Variants in CASR observed in about 807,000 individuals in gnomAD.
CASR encodes extracellular calcium-sensing receptor.
In CASR, 23 loss-of-function variants were observed where a neutral mutation model predicts 69.1. The ratio of observed to expected loss-of-function variants is 0.33; its 90% CI spans 0.24 to 0.47. The LOEUF is 0.47. Among genes scored for constraint, CASR ranks in the 20% least tolerant of loss-of-function variants. CASR has a pLI of 1.00. For synonymous variants in CASR, 541 were observed against 544.7 expected (o/e 0.99, Z 0.10); for missense variants, 924 against 1,356.1 (o/e 0.68, Z 5.00).
intron 1 of CASR, among the ~76,000 whole-genome samples, chr3:122,186,117 T>C (rs2073780928): frequency 6.6e-6 from 1 of 152,200 alleles, no homozygotes; most frequent in East Asian, 1.9e-4. Flanking sequence ...TTAAATTAGT[T>C]AAAAATTTTC....
intron 4 of CASR, among the ~76,000 whole-genome samples, chr3:122,262,914 A>G (rs1451762999): frequency 6.6e-6 from 1 of 152,244 alleles, no homozygotes. Context: ...ACAAAAGCAA[A>G]TCAAAGACAC....
Position 122,285,928 on chromosome 3 carries a change from A to G in CASR, c.*737A>G, listed in dbSNP as rs1363546582. On this transcript the variant is annotated 3_prime_UTR_variant, in exon 7 of 7. Coordinates refer to ENST00000639785, the MANE Select transcript of CASR (RefSeq NM_000388.4). The stretch of plus-strand genomic sequence containing the variant: ...GAAAATGCTTCTGTTGTAATAGTCC[A>G]TGGACAATATAAACTGAAAAATGTC... The G allele has an allele frequency of 1.3e-5, 2 of 153,328 alleles. No homozygotes were observed. Among genetic ancestry groups the G allele is most frequent in the Non-Finnish European group, 2.9e-5 (2 of 68,614 alleles). The allele number at this position is 153,328 out of a possible 1,614,324, so 9.5% of individuals were successfully genotyped here. A position where few individuals can be genotyped will look rare whatever the true frequency, so the allele number is the denominator to read the frequency against.
At chr3:122,220,030 A>G (rs2074155414) in intron 1 of CASR, among the ~76,000 whole-genome samples, 1 of 152,232 alleles carries the variant, frequency 6.6e-6, no homozygotes, top group Non-Finnish European at 1.5e-5. Context: ...ATGCACATAT[A>G]TGTAAGCACA....
chr3:122,221,263 A>G (rs948505641), intron 1 of CASR, among the ~76,000 whole-genome samples: 1 of 152,172 alleles, frequency 6.6e-6, no homozygotes, highest in Admixed American at 6.5e-5. Context: ...CTTTAAGATT[A>G]CCATTCATTT....
chr3:122,272,692 G>A (rs951742372), intron 4 of CASR, among the ~76,000 whole-genome samples: 12 of 152,182 alleles, frequency 7.9e-5, no homozygotes, highest in Admixed American at 5.9e-4. Context: ...AACTCCATGA[G>A]GATGGGATGA....
chr3:122,199,751 T>A (rs1338769927), intron 1 of CASR, among the ~76,000 whole-genome samples: 1 of 152,144 alleles, frequency 6.6e-6, no homozygotes, highest in Admixed American at 6.6e-5. Context: ...TGGGAGGTGA[T>A]AACCAGAAGT....
At position 122,199,007 on chromosome 3, in the gene CASR, CCT is replaced by C. The variant is rs1469579068; in HGVS notation, c.-243+15198_-243+15199del. ...ATTCCCAAATTTGAATTTCAAATTC[CCT>C]CTTTTTATAGATTTATGATATTTAC... On this transcript the variant is annotated intron_variant, in intron 1 of 6. Coordinates refer to ENST00000639785, the MANE Select transcript of CASR (RefSeq NM_000388.4). Among the ~76,000 whole-genome samples, 5 of 152,218 alleles carry C rather than the reference CCT, an allele frequency of 3.3e-5. No individual in the cohort carries two copies. In the East Asian group the frequency reaches 9.6e-4, roughly 29 times the overall value.
At chr3:122,187,423 A>G (rs1473764176) in intron 1 of CASR, among the ~76,000 whole-genome samples, 2 of 152,242 alleles carry the variant, frequency 1.3e-5, no homozygotes, top group Non-Finnish European at 2.9e-5. Flanking sequence ...TAAACCTTGT[A>G]TGTGCTCAGA....
At chr3:122,199,825 T>C (rs1277321239) in intron 1 of CASR, among the ~76,000 whole-genome samples, 1 of 115,772 alleles carries the variant, frequency 8.6e-6, no homozygotes, top group Non-Finnish European at 1.8e-5. Flanking sequence ...TACAGGACTA[T>C]ACCGTGACTA....
At chr3:122,258,843 G>A (rs2074586199) in intron 3 of CASR, among the ~76,000 whole-genome samples, 1 of 151,922 alleles carries the variant, frequency 6.6e-6, no homozygotes, top group Non-Finnish European at 1.5e-5. Flanking sequence ...AAAGATCAAG[G>A]TTTAATTGAG....
intron 4 of CASR, among the ~76,000 whole-genome samples, chr3:122,272,523 A>G (rs1320705338): frequency 6.6e-6 from 1 of 152,216 alleles, no homozygotes; most frequent in African/African-American, 2.4e-5. Flanking sequence ...TGAAACCTGC[A>G]TTGATCATTT....
Position 122,290,731 on chromosome 3 carries a change from C to CT in CASR, c.*5550dup, listed in dbSNP as rs560521489. On this transcript the variant is annotated 3_prime_UTR_variant, in exon 7 of 7. Coordinates refer to ENST00000639785, the MANE Select transcript of CASR (RefSeq NM_000388.4). ...CCCCTCCTCCAAATTTTTCTTTATT[C>CT]TTTTTTTTTTATTATACTTTAAGTT... is the stretch of plus-strand genomic sequence containing the variant. 26 of 148,980 alleles carry CT rather than the reference C, an allele frequency of 1.7e-4. No individual in the cohort carries two copies. Among genetic ancestry groups the CT allele is most frequent in the Non-Finnish European group, 2.2e-4 (15 of 67,026 alleles). 9.2% of individuals were successfully genotyped at this position (148,980 alleles called of 1,614,324 possible).
intron 1 of CASR, among the ~76,000 whole-genome samples, chr3:122,227,539 G>A (rs1035585745): frequency 5.3e-5 from 8 of 152,174 alleles, no homozygotes; most frequent in Non-Finnish European, 8.8e-5. Context: ...TGCAGCCCTG[G>A]TTCCCACCCA....
chr3:122,213,687 A>G (rs9814524), intron 1 of CASR, among the ~76,000 whole-genome samples: 110,208 of 152,064 alleles, frequency 0.72, 40,187 homozygotes, highest in Admixed American at 0.82. Flanking sequence ...TATTGCCTAT[A>G]TATAATCCAG....
At chr3:122,223,413 A>G (rs1350280126) in intron 1 of CASR, among the ~76,000 whole-genome samples, 1 of 152,200 alleles carries the variant, frequency 6.6e-6, no homozygotes, top group Non-Finnish European at 1.5e-5. Context: ...AGCGAATATT[A>G]TCAAAACCTC....
chr3:122,279,924 A>G (rs534722912), intron 5 of CASR, among the ~76,000 whole-genome samples: 1 of 152,096 alleles, frequency 6.6e-6, no homozygotes, highest in Non-Finnish European at 1.5e-5. Flanking sequence ...CCCAGCATGC[A>G]CTAGCTCTTT....
At chr3:122,263,894 A>G (rs944369000) in intron 4 of CASR, among the ~76,000 whole-genome samples, 3 of 152,100 alleles carry the variant, frequency 2.0e-5, no homozygotes, top group East Asian at 1.9e-4. Flanking sequence ...TAAGGGAGCA[A>G]TCTTCTAGGT....
intron 1 of CASR, among the ~76,000 whole-genome samples, chr3:122,202,381 T>G (rs1327483319): frequency 1.3e-5 from 2 of 151,176 alleles, no homozygotes; most frequent in Admixed American, 6.6e-5. Context: ...CAGTCCAGCT[T>G]CGGCTCAGCA....
At chr3:122,199,703 A>G (rs1208599657) in intron 1 of CASR, among the ~76,000 whole-genome samples, 3 of 152,204 alleles carry the variant, frequency 2.0e-5, no homozygotes, top group Admixed American at 6.5e-5. Context: ...AGTAAAAAGT[A>G]GAATAGTGGT....
Sources: allele counts gnomAD v4.1 joint callset (sites outside exome capture counted in the v4.1 genomes callset), GRCh38; gene constraint gnomAD v4.1.1; transcripts MANE v1.5; gene names NCBI Gene and HGNC (gene_info 2026-07-23, HGNC 2026-07-21).